The following ZNF618 variants were observed in gnomAD, a reference collection of about 807,000 sequenced individuals.
ZNF618 encodes zinc finger protein 618.
ZNF618 carries 34 observed loss-of-function variants against 103.0 expected under a neutral mutation model. The ratio of observed to expected loss-of-function variants is 0.33; its 90% confidence interval spans 0.25 to 0.44. The LOEUF (loss-of-function observed/expected upper bound fraction) is 0.44. Ranked by LOEUF, ZNF618 falls within the 20% of genes least tolerant of loss-of-function variation. The probability of loss-of-function intolerance (pLI) is 1.00; values close to 1 mark genes in which losing one functional copy is unlikely to be tolerated. For synonymous variants in ZNF618, 551 were observed against 542.2 expected (o/e 1.02, Z -0.23); for missense variants, 1,059 against 1,295.4 (o/e 0.82, Z 2.80).
chr9:113,878,916 TC>T (rs1336353315), intron 1 of ZNF618, among the ~76,000 whole-genome samples: 6 of 152,186 alleles, frequency 3.9e-5, no homozygotes, highest in Non-Finnish European at 8.8e-5. Context: ...ACATTTCCCA[TC>T]ATCGCCATTG....
intron 3 of ZNF618, among the ~76,000 whole-genome samples, chr9:113,991,128 C>T (rs1345757760): frequency 6.6e-6 from 1 of 152,206 alleles, no homozygotes; most frequent in Non-Finnish European, 1.5e-5. Flanking sequence ...CAGGGAAATG[C>T]TGGGAATCTT....
chr9:114,022,537 C>G (rs760007685), intron 10 of ZNF618, among the ~76,000 whole-genome samples: 2 of 133,500 alleles, frequency 1.5e-5, no homozygotes, highest in South Asian at 4.9e-4. Context: ...CTTCAAAATT[C>G]ATTGAGATAA....
intron 1 of ZNF618, among the ~76,000 whole-genome samples, chr9:113,961,771 C>T (rs1176362249): frequency 6.6e-6 from 1 of 152,228 alleles, no homozygotes; most frequent in African/African-American, 2.4e-5. Context: ...ATAACTTTTT[C>T]AGCATTGGCC....
intron 3 of ZNF618, among the ~76,000 whole-genome samples, chr9:113,991,524 A>G (rs1475672061): frequency 6.6e-6 from 1 of 152,230 alleles, no homozygotes; most frequent in Non-Finnish European, 1.5e-5. Context: ...GTGCTTAGTA[A>G]ACAAGTAGCT....
intron 4 of ZNF618, 93 bp from the exon 5 acceptor site, chr9:114,001,903 G>A: frequency 9.2e-7 from 1 of 1,089,738 alleles, no homozygotes; most frequent in Middle Eastern, 2.0e-4. Flanking sequence ...CTGGGACAGA[G>A]AGTTAGCCAC....
chr9:113,897,684 T>A (rs1487739339), intron 1 of ZNF618, among the ~76,000 whole-genome samples: 2 of 152,236 alleles, frequency 1.3e-5, no homozygotes, highest in Admixed American at 1.3e-4. Flanking sequence ...AAATTTTTTT[T>A]AGTTTTATAT....
Position 113,879,983 on chromosome 9 carries a change from G to A in ZNF618, c.33+3570G>A, listed in dbSNP as rs543418208. On this transcript the variant is annotated intron_variant, in intron 1 of 14. Coordinates refer to ENST00000374126, the MANE Select transcript of ZNF618 (RefSeq NM_001318042.2). Reference sequence around the variant, plus strand: ...TCAGTATAAGGCTGACCTCTCCCTCGTCCTAGAAAATAAACAGCCAATGGC... The same window carrying A: ...TCAGTATAAGGCTGACCTCTCCCTCATCCTAGAAAATAAACAGCCAATGGC... Among the ~76,000 whole-genome samples the A allele has an allele frequency of 1.3e-4, 20 of 152,098 alleles. 1 individual carries two copies. In the East Asian group the frequency reaches 2.1e-3, roughly 16 times the overall value.
chr9:113,925,615 T>C (rs1332190776), intron 1 of ZNF618, among the ~76,000 whole-genome samples: 1 of 152,080 alleles, frequency 6.6e-6, no homozygotes, highest in African/African-American at 2.4e-5. Flanking sequence ...TTTTCTCCCT[T>C]CTCTGCAGCA....
At position 114,049,448 on chromosome 9, in the gene ZNF618, A is replaced by G. The variant is rs534569425; in HGVS notation, c.2146A>G (p.Ser716Gly). 1.9e-6 allele frequency: 3 copies of G among 1,608,250 alleles called. No individual in the cohort carries two copies. In the African/African-American group the frequency reaches 4.0e-5, roughly 21 times the overall value. Residue 716 changes from serine (S) to glycine (G), a missense_variant, in exon 15 of 15, where the codon AGC (serine) becomes GGC (glycine). Transcript: ENST00000374126. ...CTATGAGCAGATCTGCGAGTTCTAC[A>G]GCCGGGCCAAGAAGATGAACCTCAT... The part of the protein sequence containing the change: ...ERYEQICEFY[S>G]RAKKMNLIQS...
At chr9:113,915,701 G>T (rs988525213) in intron 1 of ZNF618, among the ~76,000 whole-genome samples, 1 of 152,250 alleles carries the variant, frequency 6.6e-6, no homozygotes, top group Non-Finnish European at 1.5e-5. Context: ...TAAAAGGTGT[G>T]TGTGGGGTTT....
intron 1 of ZNF618, among the ~76,000 whole-genome samples, chr9:113,945,174 G>A (rs1564199150): frequency 6.6e-6 from 1 of 152,058 alleles, no homozygotes. Context: ...CAGCCTCTGA[G>A]CCCTCACACA....
At chr9:114,005,869 C>A (rs1841703201) in intron 6 of ZNF618, among the ~76,000 whole-genome samples, 1 of 152,220 alleles carries the variant, frequency 6.6e-6, no homozygotes, top group Admixed American at 6.5e-5. Context: ...CCTTTCCCAG[C>A]TCCCCAAATT....
intron 1 of ZNF618, among the ~76,000 whole-genome samples, chr9:113,895,618 T>C (rs1201244780): frequency 3.3e-5 from 5 of 152,090 alleles, no homozygotes; most frequent in Non-Finnish European, 1.5e-5. Context: ...CATTTAAGAT[T>C]ATGTACTTAT....
At chr9:113,947,808 A>G (rs947218583) in intron 1 of ZNF618, among the ~76,000 whole-genome samples, 1 of 152,140 alleles carries the variant, frequency 6.6e-6, no homozygotes. Context: ...CCGCAGCTCT[A>G]TTGTTGTGTT....
In ZNF618 at chr9:113,984,779, G is replaced by A. The variant is rs1200009244; in HGVS notation, c.78-3542G>A. Among the ~76,000 whole-genome samples the A allele has an allele frequency of 2.6e-5, 4 of 152,222 alleles. No individual in the cohort carries two copies. The East Asian group carries it at 5.8e-4, about 22-fold the overall frequency. The stretch of plus-strand genomic sequence containing the variant: ...ATTAGCACCCATGAGGTCTTAGCTA[G>A]GAAATGGGAATGTCAGCTGCTTTCT... On this transcript the variant is annotated intron_variant, in intron 2 of 14. Coordinates refer to ENST00000374126, the MANE Select transcript of ZNF618 (RefSeq NM_001318042.2).
rs1047088453 is a variant in ZNF618 at position 114,035,726 on chromosome 9, C to T, written c.1169-574C>T. ...TGCACCCCTTGTGCCTGTTCCTACGCGTGCCCTCCCTCACTCCTCCCTCCC... is the reference window on the plus strand; with the variant it reads ...TGCACCCCTTGTGCCTGTTCCTACGTGTGCCCTCCCTCACTCCTCCCTCCC... On this transcript the variant is annotated intron_variant, in intron 12 of 14. Coordinates refer to ENST00000374126, the MANE Select transcript of ZNF618 (RefSeq NM_001318042.2). Among the ~76,000 whole-genome samples the T allele has an allele frequency of 3.3e-5, 5 of 151,890 alleles. No homozygotes were observed. The South Asian group carries it at 6.3e-4, about 19-fold the overall frequency.
At chr9:113,894,110 C>T (rs1452446973) in intron 1 of ZNF618, among the ~76,000 whole-genome samples, 1 of 152,108 alleles carries the variant, frequency 6.6e-6, no homozygotes, top group Non-Finnish European at 1.5e-5. Context: ...AATAGTTTTT[C>T]AGTAAATTAT....
chr9:113,989,197 C>T (rs961598237), intron 3 of ZNF618, among the ~76,000 whole-genome samples: 4 of 152,196 alleles, frequency 2.6e-5, no homozygotes, highest in African/African-American at 9.7e-5. Flanking sequence ...GTTTATTTAG[C>T]ATAAATAGAG....
At chr9:113,895,817 GC>G (rs762489306) in intron 1 of ZNF618, among the ~76,000 whole-genome samples, 5 of 152,022 alleles carry the variant, frequency 3.3e-5, no homozygotes, top group Non-Finnish European at 7.4e-5. Flanking sequence ...AAAATAACTT[GC>G]CATTAAACTC....
Sources: allele counts gnomAD v4.1 joint callset (sites outside exome capture counted in the v4.1 genomes callset), GRCh38; gene constraint gnomAD v4.1.1; transcripts MANE v1.5; gene names NCBI Gene and HGNC (gene_info 2026-07-23, HGNC 2026-07-21).